PDE6D: variants seen among roughly 807,000 people sequenced by gnomAD.
The protein encoded by PDE6D is retinal rod rhodopsin-sensitive cGMP 3',5'-cyclic phosphodiesterase subunit delta.
A neutral mutation model predicts 21.9 loss-of-function variants in PDE6D; 10 were observed. The ratio of observed to expected loss-of-function variants is 0.46; its 90% CI spans 0.28 to 0.78. The LOEUF (loss-of-function observed/expected upper bound fraction) is 0.78. Ranked by LOEUF, PDE6D falls within the 30% of genes least tolerant of loss-of-function variation. PDE6D has a pLI of 0.12. For missense variants in PDE6D, 139 were observed against 184.8 expected, an observed-to-expected ratio of 0.75 and a Z score of 1.44; for synonymous variants, 59 against 63.5, an observed-to-expected ratio of 0.93 and a Z score of 0.34.
chr2:231,734,184 A>G (rs892043255), intron 4 of PDE6D, among the ~76,000 whole-genome samples: 1 of 152,036 alleles, frequency 6.6e-6, no homozygotes, highest in South Asian at 2.1e-4. Context: ...ACTGCACTCC[A>G]GCCTCCGCGA....
At chr2:231,759,862 T>C (rs956531465) in intron 1 of PDE6D, among the ~76,000 whole-genome samples, 2 of 152,286 alleles carry the variant, frequency 1.3e-5, no homozygotes, top group East Asian at 3.9e-4. Flanking sequence ...AATATCCTTC[T>C]GGGAATTTCT....
At position 231,738,101 on chromosome 2, in the gene PDE6D, C is replaced by T. The variant is rs1458781283; in HGVS notation, c.177G>A (p.Val59=). ...VPKKILKCKA[V]SRELNFSSTE... is the part of the protein sequence containing the mutation. ...TCGAAGAAAAATTAAGTTCTCGAGA[C>T]ACTGCCTTGCACTTGAGGATTTTCT... is the stretch of plus-strand genomic sequence containing the variant. The change falls in exon 3 of 5, where the codon GTG becomes GTA. Residue 59 remains valine, a synonymous_variant. Coordinates refer to ENST00000287600, the MANE Select transcript of PDE6D (RefSeq NM_002601.4). 6.2e-7 allele frequency: 1 copy of T among 1,613,374 alleles called. No homozygotes were observed. Among genetic ancestry groups the T allele is most frequent in the Admixed American group, 1.7e-5 (1 of 59,848 alleles).
chr2:231,781,220 G>A lies in PDE6D; in HGVS notation c.-106C>T, dbSNP rs570669105. 4.9e-4 allele frequency: 529 copies of A among 1,073,320 alleles called. 2 individuals carry two copies. The African/African-American group carries it at 7.3e-3, about 15-fold the overall frequency. The allele number at this position is 1,073,320 out of a possible 1,614,324, so 66.5% of individuals were successfully genotyped here. On this transcript the variant is annotated 5_prime_UTR_variant, in exon 1 of 5. Coordinates refer to ENST00000287600, the MANE Select transcript of PDE6D (RefSeq NM_002601.4). ...CCGCAGCCCGGCTTGGAGACCTCGGGCTAGCAGCCGCAGCGGCCAGACCAG... is the reference window on the plus strand; with the variant it reads ...CCGCAGCCCGGCTTGGAGACCTCGGACTAGCAGCCGCAGCGGCCAGACCAG...
chr2:231,734,192 C>T (rs1203730748), intron 4 of PDE6D, among the ~76,000 whole-genome samples: 1 of 150,166 alleles, frequency 6.7e-6, no homozygotes, highest in Admixed American at 6.7e-5. Context: ...CCAGCCTCCG[C>T]GACAGAGCGA....
chr2:231,748,679 C>T (rs1388097210), intron 1 of PDE6D, among the ~76,000 whole-genome samples: 3 of 152,224 alleles, frequency 2.0e-5, no homozygotes, highest in African/African-American at 7.2e-5. Flanking sequence ...CCATCAAGGA[C>T]CCAGAGGCCC....
intron 1 of PDE6D, among the ~76,000 whole-genome samples, chr2:231,776,321 CAAAAAAAAAA>C (rs1008155828): frequency 1.3e-4 from 7 of 54,052 alleles, no homozygotes; most frequent in Non-Finnish European, 2.1e-4. Context: ...GACTCCGTCT[CAAAAAAAAAA>C]AAAAAAAAAA....
At chr2:231,737,659 C>A in intron 3 of PDE6D, 1 of 297,294 alleles carries the variant, frequency 3.4e-6, no homozygotes, top group African/African-American at 2.2e-5. Context: ...GGTGAGAATT[C>A]AATGCAGAGT....
chr2:231,776,075 C>T (rs548628668), intron 1 of PDE6D, among the ~76,000 whole-genome samples: 7 of 152,128 alleles, frequency 4.6e-5, no homozygotes, highest in South Asian at 2.1e-4. Flanking sequence ...CAGTGGCTCA[C>T]GCCTGTAATC....
At chr2:231,750,176 G>T (rs1433104042) in intron 1 of PDE6D, among the ~76,000 whole-genome samples, 1 of 152,122 alleles carries the variant, frequency 6.6e-6, no homozygotes, top group African/African-American at 2.4e-5. Context: ...CTGCTGTCAT[G>T]TAAGAGCCTT....
chr2:231,733,098 C>T, intron 4 of PDE6D, 65 bp from the exon 5 acceptor site: 1 of 1,129,772 alleles, frequency 8.9e-7, no homozygotes, highest in South Asian at 1.3e-5. Context: ...GATTTCATTT[C>T]CACAAAGTGG....
chr2:231,771,755 G>C (rs780844390), intron 1 of PDE6D, among the ~76,000 whole-genome samples: 1 of 151,966 alleles, frequency 6.6e-6, no homozygotes, highest in Non-Finnish European at 1.5e-5. Flanking sequence ...GAAACAATTG[G>C]GTCACAAAAA....
intron 3 of PDE6D, chr2:231,737,605 C>T (rs951253486): frequency 3.9e-5 from 12 of 310,392 alleles, no homozygotes; most frequent in Non-Finnish European, 6.5e-5. Context: ...GTTAAATTCA[C>T]TTGGAATTAG....
intron 1 of PDE6D, among the ~76,000 whole-genome samples, chr2:231,767,132 A>T (rs1400435023): frequency 6.6e-6 from 1 of 152,148 alleles, no homozygotes; most frequent in Non-Finnish European, 1.5e-5. Flanking sequence ...CAGGTATCGA[A>T]GCTAAAGTAA....
At chr2:231,765,887 C>T (rs1259577797) in intron 1 of PDE6D, among the ~76,000 whole-genome samples, 1 of 152,212 alleles carries the variant, frequency 6.6e-6, no homozygotes, top group Non-Finnish European at 1.5e-5. Context: ...TTTCTGAACT[C>T]ATTTCCTTCT....
At chr2:231,751,218 G>C (rs1574624355) in intron 1 of PDE6D, among the ~76,000 whole-genome samples, 1 of 151,602 alleles carries the variant, frequency 6.6e-6, no homozygotes, top group African/African-American at 2.4e-5. Flanking sequence ...CTGCAGTGTT[G>C]CAATCACTGC....
At chr2:231,768,891 G>A (rs1309661451) in intron 1 of PDE6D, among the ~76,000 whole-genome samples, 2 of 151,556 alleles carry the variant, frequency 1.3e-5, no homozygotes, top group African/African-American at 4.9e-5. Context: ...TTTTTGAGCG[G>A]GAGTTTCGCT....
At chr2:231,740,680 CAAAAAAAAA>C (rs3074722) in intron 1 of PDE6D, among the ~76,000 whole-genome samples, 1 of 57,000 alleles carries the variant, frequency 1.8e-5, no homozygotes, top group Non-Finnish European at 3.7e-5. Flanking sequence ...GACCCTGTCT[CAAAAAAAAA>C]AAAAAAAAAA....
At chr2:231,761,503 T>C (rs1007992785) in intron 1 of PDE6D, among the ~76,000 whole-genome samples, 1 of 152,190 alleles carries the variant, frequency 6.6e-6, no homozygotes, top group African/African-American at 2.4e-5. Flanking sequence ...TAACCTGTGG[T>C]TCATTATCAA....
intron 1 of PDE6D, among the ~76,000 whole-genome samples, chr2:231,766,993 C>CAAAAAAAAAAAAAAAAAA: frequency 2.7e-5 from 1 of 36,682 alleles, no homozygotes. Context: ...GACTCCGTCT[C>CAAAAAAAAAAAAAAAAAA]AAAAAAAAAA....
Sources: gnomAD v4.1 joint callset for allele counts (sites outside exome capture counted in the v4.1 genomes callset) on GRCh38, gnomAD v4.1.1 for gene constraint, MANE v1.5 for transcripts, NCBI Gene and HGNC (gene_info 2026-07-23, HGNC 2026-07-21) for gene names.